The following KCNMB2 variants were observed in gnomAD, a reference collection of about 807,000 sequenced individuals.
KCNMB2 encodes the protein calcium-activated potassium channel subunit beta-2.
KCNMB2 carries 9 observed loss-of-function variants against 24.5 expected under a neutral mutation model. The observed-to-expected ratio is 0.37, with a 90% CI of 0.22 to 0.64. The LOEUF is 0.64. Among genes scored for constraint, KCNMB2 ranks in the 30% least tolerant of loss-of-function variants. The probability of loss-of-function intolerance (pLI) is 0.63; values close to 1 mark genes in which losing one functional copy is unlikely to be tolerated. For synonymous variants in KCNMB2, 109 were observed against 104.4 expected, an observed-to-expected ratio of 1.04 and a Z score of -0.27; for missense variants, 226 against 284.3, an observed-to-expected ratio of 0.79 and a Z score of 1.47.
At chr3:178,805,548 G>A (rs1007624091) in intron 1 of KCNMB2, among the ~76,000 whole-genome samples, 3 of 152,122 alleles carry the variant, frequency 2.0e-5, no homozygotes, top group Non-Finnish European at 2.9e-5. Flanking sequence ...TATCAGCATC[G>A]CTTGAGAGCT....
chr3:178,710,890 G>C (rs1722431022), intron 1 of KCNMB2, among the ~76,000 whole-genome samples: 1 of 151,952 alleles, frequency 6.6e-6, no homozygotes, highest in African/African-American at 2.4e-5. Flanking sequence ...GCATTCATTT[G>C]TTTACTCAAC....
chr3:178,638,406 T>C (rs1010892308), intron 1 of KCNMB2, among the ~76,000 whole-genome samples: 1 of 152,154 alleles, frequency 6.6e-6, no homozygotes, highest in African/African-American at 2.4e-5. Context: ...TATTCCCCTC[T>C]AGATTGCTTT....
At chr3:178,841,639 G>C (rs929311791) in intron 4 of KCNMB2, 2 of 152,206 alleles carry the variant, frequency 1.3e-5, no homozygotes, top group African/African-American at 4.8e-5. Context: ...GCAAGCAAGA[G>C]AGAGAACATG....
intron 1 of KCNMB2, among the ~76,000 whole-genome samples, chr3:178,787,637 T>C (rs888422007): frequency 7.9e-5 from 12 of 152,294 alleles, no homozygotes; most frequent in African/African-American, 2.9e-4. Context: ...TTTCTCATCC[T>C]GCCACACTCT....
intron 1 of KCNMB2, among the ~76,000 whole-genome samples, chr3:178,605,476 G>A (rs1374262205): frequency 6.6e-6 from 1 of 152,170 alleles, no homozygotes; most frequent in Non-Finnish European, 1.5e-5. Context: ...ACAGGATAAA[G>A]GGTGGAGGCT....
At chr3:178,545,679 A>T (rs542231039) in intron 1 of KCNMB2, among the ~76,000 whole-genome samples, 1 of 152,312 alleles carries the variant, frequency 6.6e-6, no homozygotes, top group East Asian at 1.9e-4. Flanking sequence ...CTATATGAAG[A>T]ATGTATAGTC....
intron 1 of KCNMB2, among the ~76,000 whole-genome samples, chr3:178,579,979 AAAC>A (rs1717138547): frequency 6.6e-6 from 1 of 152,220 alleles, no homozygotes; most frequent in Admixed American, 6.5e-5. Flanking sequence ...AAACTATTCC[AAAC>A]AATAGAAAAA....
At chr3:178,587,605 T>TG (rs1186816699) in intron 1 of KCNMB2, among the ~76,000 whole-genome samples, 2 of 150,192 alleles carry the variant, frequency 1.3e-5, no homozygotes, top group African/African-American at 2.4e-5. Flanking sequence ...TTGGGTGGTT[T>TG]TTTTTTTTTT....
intron 2 of KCNMB2, among the ~76,000 whole-genome samples, chr3:178,807,696 A>G (rs1714030871): frequency 6.6e-6 from 1 of 152,128 alleles, no homozygotes. Flanking sequence ...AGAAATTCCC[A>G]TGTCACAAGC....
chr3:178,684,785 C>T (rs1214593580), intron 1 of KCNMB2, among the ~76,000 whole-genome samples: 9 of 152,212 alleles, frequency 5.9e-5, no homozygotes, highest in African/African-American at 1.9e-4. Context: ...GAGCCGAGAT[C>T]GCGCCATTGC....
chr3:178,689,609 C>A (rs1203064858), intron 1 of KCNMB2, among the ~76,000 whole-genome samples: 1 of 152,126 alleles, frequency 6.6e-6, no homozygotes, highest in Non-Finnish European at 1.5e-5. Flanking sequence ...GCACTCCAGC[C>A]TGGGAGAGAG....
chr3:178,625,838 G>A (rs193155711), intron 1 of KCNMB2, among the ~76,000 whole-genome samples: 2 of 152,260 alleles, frequency 1.3e-5, no homozygotes, highest in Non-Finnish European at 1.5e-5. Context: ...CAGGGGTCAC[G>A]TGTTCGTGTT....
intron 1 of KCNMB2, among the ~76,000 whole-genome samples, chr3:178,617,274 A>C (rs2108523124): frequency 6.6e-6 from 1 of 152,324 alleles, no homozygotes; most frequent in Admixed American, 6.5e-5. Context: ...TTTTAAAAAC[A>C]CAGTCCAGGC....
intron 1 of KCNMB2, among the ~76,000 whole-genome samples, chr3:178,658,795 T>C (rs1720428012): frequency 6.6e-6 from 1 of 152,142 alleles, no homozygotes; most frequent in Non-Finnish European, 1.5e-5. Context: ...AAAATAATAA[T>C]ACACATGAAG....
At chr3:178,703,222 T>A (rs946764305) in intron 1 of KCNMB2, among the ~76,000 whole-genome samples, 1 of 152,168 alleles carries the variant, frequency 6.6e-6, no homozygotes, top group African/African-American at 2.4e-5. Flanking sequence ...AAGTGCCGAA[T>A]ACATTCTTAT....
chr3:178,628,615 C>T (rs537355860), intron 1 of KCNMB2, among the ~76,000 whole-genome samples: 1 of 152,170 alleles, frequency 6.6e-6, no homozygotes, highest in South Asian at 2.1e-4. Flanking sequence ...GTTAAATGAA[C>T]TGAAGAATCA....
In KCNMB2 at chr3:178,700,140, C is replaced by A. The variant is rs563010551; in HGVS notation, c.-67-107203C>A. Among the ~76,000 whole-genome samples the A allele has an allele frequency of 2.0e-5, 3 of 152,262 alleles. No homozygotes were observed. In the South Asian group the frequency reaches 6.2e-4, roughly 32 times the overall value. Reference sequence around the variant, plus strand: ...AAGCCTACAGAAGACACTCACTTTGCCTCTTTTAATTTTCAAAATAATTCT... The same window carrying A: ...AAGCCTACAGAAGACACTCACTTTGACTCTTTTAATTTTCAAAATAATTCT... On this transcript the variant is annotated intron_variant, in intron 1 of 4. Transcript: ENST00000452583.
chr3:178,656,521 C>T (rs1720348655), intron 1 of KCNMB2, among the ~76,000 whole-genome samples: 1 of 152,046 alleles, frequency 6.6e-6, no homozygotes, highest in African/African-American at 2.4e-5. Context: ...GTTCATAATC[C>T]CAGAACTTTG....
chr3:178,756,088 A>T (rs1051054400), intron 1 of KCNMB2, among the ~76,000 whole-genome samples: 1 of 152,220 alleles, frequency 6.6e-6, no homozygotes, highest in Non-Finnish European at 1.5e-5. Context: ...AATCAGTTCA[A>T]CTGGAAAGAT....
Sources: allele counts gnomAD v4.1 joint callset (sites outside exome capture counted in the v4.1 genomes callset), GRCh38; gene constraint gnomAD v4.1.1; transcripts MANE v1.5; gene names NCBI Gene and HGNC (gene_info 2026-07-23, HGNC 2026-07-21).